The following ASXL2 variants were observed in gnomAD, a reference collection of about 807,000 sequenced individuals.
ASXL2 encodes putative Polycomb group protein ASXL2.
Under a neutral mutation model 122.0 loss-of-function variants are expected in ASXL2, and 23 were observed. The ratio of observed to expected loss-of-function variants is 0.19; its 90% CI spans 0.14 to 0.27. The LOEUF is 0.27. Among genes scored for constraint, ASXL2 ranks in the 10% least tolerant of loss-of-function variants. The pLI, the probability that ASXL2 is intolerant of heterozygous loss-of-function variation, is 1.00. For synonymous variants in ASXL2, 650 were observed against 637.0 expected, an observed-to-expected ratio of 1.02 and a Z score of -0.31; for missense variants, 1,518 against 1,713.8, an observed-to-expected ratio of 0.89 and a Z score of 2.02.
At chr2:25,829,696 T>C (rs1334670517) in intron 3 of ASXL2, among the ~76,000 whole-genome samples, 1 of 152,204 alleles carries the variant, frequency 6.6e-6, no homozygotes, top group Non-Finnish European at 1.5e-5. Context: ...AACTTAGTTA[T>C]GGTAGATCTT....
chr2:25,871,638 C>A (rs1354077795), intron 1 of ASXL2, among the ~76,000 whole-genome samples: 1 of 152,216 alleles, frequency 6.6e-6, no homozygotes, highest in Admixed American at 6.5e-5. Context: ...GTTGCCCAGG[C>A]TGGAGTGCAA....
intron 9 of ASXL2, among the ~76,000 whole-genome samples, chr2:25,758,436 A>G (rs2088177599): frequency 6.6e-6 from 1 of 152,200 alleles, no homozygotes. Context: ...TACTTAGAAC[A>G]CAGCTGAGAT....
intron 8 of ASXL2, among the ~76,000 whole-genome samples, chr2:25,761,987 TATAAA>T (rs1168435396): frequency 2.6e-5 from 4 of 152,006 alleles, no homozygotes; most frequent in Non-Finnish European, 5.9e-5. Flanking sequence ...ACATTATTTA[TATAAA>T]ATAATAGTAT....
rs1316886885 is a variant in ASXL2 at position 25,749,409 on chromosome 2, C to T, written c.1860+287G>A. Among the ~76,000 whole-genome samples the T allele has an allele frequency of 5.9e-5, 9 of 152,314 alleles. No homozygotes were observed. In the East Asian group the frequency reaches 1.5e-3, roughly 26 times the overall value. ...TTTAAATTATATTTGGTCTAAGAGTCTGAGATCAGGTGCCTCTGAGCTCAA... is the reference window on the plus strand; with the variant it reads ...TTTAAATTATATTTGGTCTAAGAGTTTGAGATCAGGTGCCTCTGAGCTCAA... On this transcript the variant is annotated intron_variant, in intron 12 of 12. Coordinates refer to ENST00000435504, the MANE Select transcript of ASXL2 (RefSeq NM_018263.6).
chr2:25,870,297 G>C (rs1056827823), intron 1 of ASXL2, among the ~76,000 whole-genome samples: 2 of 152,136 alleles, frequency 1.3e-5, no homozygotes, highest in African/African-American at 4.8e-5. Context: ...GGCCAAGGTG[G>C]ATGGATCAAG....
chr2:25,771,990 T>C (rs2088464136), intron 5 of ASXL2, among the ~76,000 whole-genome samples: 5 of 152,180 alleles, frequency 3.3e-5, no homozygotes, highest in Admixed American at 3.3e-4. Context: ...AATCCTTACA[T>C]TCCTTCATCC....
At chr2:25,868,447 A>C (rs1192852864) in intron 1 of ASXL2, among the ~76,000 whole-genome samples, 8 of 152,268 alleles carry the variant, frequency 5.3e-5, no homozygotes. Flanking sequence ...GCTTACTCAG[A>C]GGATACTATA....
At chr2:25,865,612 A>AC (rs1167805692) in intron 1 of ASXL2, among the ~76,000 whole-genome samples, 1 of 50,272 alleles carries the variant, frequency 2.0e-5, no homozygotes, top group Non-Finnish European at 7.9e-5. Flanking sequence ...CTAAAAATAC[A>AC]AAAAAAAAAA....
intron 1 of ASXL2, among the ~76,000 whole-genome samples, chr2:25,858,117 T>C (rs1574451565): frequency 6.6e-6 from 1 of 152,202 alleles, no homozygotes; most frequent in South Asian, 2.1e-4. Flanking sequence ...TCCACATATA[T>C]GACACTGAGA....
At position 25,744,297 on chromosome 2, in the gene ASXL2, A is replaced by AGCT. The variant is rs1425542831; in HGVS notation, c.2037_2039dup (p.Ala684dup). 6.8e-6 allele frequency: 11 copies of AGCT among 1,610,274 alleles called. No individual in the cohort carries two copies. Among genetic ancestry groups the AGCT allele is most frequent in the Non-Finnish European group, 8.5e-6 (10 of 1,178,942 alleles). Reference sequence around the variant, plus strand: ...TCCCTCCAACTGAGGCGGCTGCAGCAGCTGCGGCGGCAGCGGCAGCTGCTG... The same window carrying AGCT: ...TCCCTCCAACTGAGGCGGCTGCAGCAGCTGCTGCGGCGGCAGCGGCAGCTGCTG... On this transcript the variant is annotated inframe_insertion, in exon 13 of 13. Transcript: ENST00000435504. The surrounding 1 kb of genome is among the most constrained non-coding windows in gnomAD (Gnocchi z 4.7).
intron 3 of ASXL2, among the ~76,000 whole-genome samples, chr2:25,818,483 C>G (rs2089267340): frequency 6.6e-6 from 1 of 152,198 alleles, no homozygotes; most frequent in Non-Finnish European, 1.5e-5. Context: ...TGTACTCCAG[C>G]CTGGGCGACT....
At chr2:25,816,436 G>A (rs1167755171) in intron 3 of ASXL2, among the ~76,000 whole-genome samples, 1 of 152,022 alleles carries the variant, frequency 6.6e-6, no homozygotes, top group Non-Finnish European at 1.5e-5. Flanking sequence ...TGTTCGTCTT[G>A]GCCACAAGGC....
intron 4 of ASXL2, among the ~76,000 whole-genome samples, chr2:25,800,744 G>A (rs2088986088): frequency 1.3e-5 from 2 of 152,132 alleles, no homozygotes; most frequent in South Asian, 4.1e-4. Context: ...CCATCTATAA[G>A]GTGGGGATAA....
intron 5 of ASXL2, 30 bp from the exon 6 acceptor site, chr2:25,771,570 T>A: frequency 6.4e-7 from 1 of 1,568,818 alleles, no homozygotes; most frequent in Non-Finnish European, 8.7e-7. Flanking sequence ...AATAAAAGAT[T>A]TTTGTTAACA....
At chr2:25,794,780 T>C (rs1397078255) in intron 5 of ASXL2, among the ~76,000 whole-genome samples, 6 of 152,164 alleles carry the variant, frequency 3.9e-5, no homozygotes, top group Non-Finnish European at 8.8e-5. Flanking sequence ...TACAATGCAT[T>C]TGAAATAAAG....
intron 5 of ASXL2, 72 bp from the exon 6 acceptor site, chr2:25,771,612 T>C (rs904744456): frequency 3.3e-6 from 4 of 1,230,598 alleles, no homozygotes; most frequent in South Asian, 1.4e-5. Context: ...TCCCCAATCA[T>C]ATGCTGCTAC....
intron 1 of ASXL2, among the ~76,000 whole-genome samples, chr2:25,866,158 G>A (rs1187977560): frequency 6.7e-6 from 1 of 148,630 alleles, no homozygotes; most frequent in Non-Finnish European, 1.5e-5. Context: ...TTGAGGTGGA[G>A]TCTCGCTCTG....
chr2:25,810,735 C>T, intron 3 of ASXL2: 1 of 601,172 alleles, frequency 1.7e-6, no homozygotes, highest in Non-Finnish European at 3.1e-6. Flanking sequence ...ACCAGTGTAT[C>T]AAGTCTTGCC....
At chr2:25,869,617 T>A (rs922071030) in intron 1 of ASXL2, among the ~76,000 whole-genome samples, 22 of 151,666 alleles carry the variant, frequency 1.5e-4, no homozygotes, top group African/African-American at 5.3e-4. Context: ...AGGTCAGGAG[T>A]TCGAGACCAG....
Sources: gnomAD v4.1 joint callset for allele counts (sites outside exome capture counted in the v4.1 genomes callset) on GRCh38, gnomAD v4.1.1 for gene constraint, Gnocchi (gnomAD v3.1) non-coding constraint, MANE v1.5 for transcripts, NCBI Gene and HGNC (gene_info 2026-07-23, HGNC 2026-07-21) for gene names.